The following MDFI variants were observed in gnomAD, a reference collection of about 807,000 sequenced individuals.
The protein encoded by MDFI is MyoD family inhibitor.
A neutral mutation model predicts 22.3 loss-of-function variants in MDFI; 16 were observed. The observed-to-expected ratio is 0.72, with a 90% CI of 0.49 to 1.09. The LOEUF is 1.09. MDFI is among the 50% of genes least tolerant of loss of function. The probability of loss-of-function intolerance (pLI) is 0.00; values close to 1 mark genes in which losing one functional copy is unlikely to be tolerated. For synonymous variants in MDFI, 145 were observed against 142.7 expected (o/e 1.02, Z -0.12); for missense variants, 314 against 326.1 (o/e 0.96, Z 0.29).
chr6:41,649,712 A>T lies in MDFI; in HGVS notation c.353A>T (p.Asn118Ile), dbSNP rs1423740523. ...CTGGGCGGCACCAGACGGGCGGGGAATGGTGCCCTGGGTGGCCCCAAGGCC... is the reference window on the plus strand; with the variant it reads ...CTGGGCGGCACCAGACGGGCGGGGATTGGTGCCCTGGGTGGCCCCAAGGCC... ...SELGGTRRAG[N>I]GALGGPKAHR... Residue 118 changes from asparagine (N) to isoleucine (I), a missense_variant, in exon 4 of 5, where the codon AAT (asparagine) becomes ATT (isoleucine). Transcript: ENST00000230321. 1 of 1,614,040 alleles carries T rather than the reference A, an allele frequency of 6.2e-7. No individual in the cohort carries two copies.
intron 2 of MDFI, among the ~76,000 whole-genome samples, chr6:41,639,061 G>T (rs1767746173): frequency 6.6e-6 from 1 of 151,570 alleles, no homozygotes; most frequent in Non-Finnish European, 1.5e-5. Context: ...CCAACTCCCC[G>T]CAACTCCCGA....
At chr6:41,650,315 A>G (rs742735) in intron 4 of MDFI, among the ~76,000 whole-genome samples, 119,096 of 152,078 alleles carry the variant, frequency 0.78, 46,913 homozygotes, top group Middle Eastern at 0.92. Flanking sequence ...CAGACACCCA[A>G]CCAGCCGATG....
chr6:41,638,641 C>A lies in MDFI; in HGVS notation c.-23C>A. The stretch of plus-strand genomic sequence containing the variant: ...GATCCGGCTGGAAGAGAGCGTAGCA[C>A]GGCTCGCACGAGTGAGTGGACGTGG... On this transcript the variant is annotated 5_prime_UTR_variant, in exon 1 of 5. Transcript: ENST00000230321. The surrounding 1 kb of genome is among the most constrained non-coding windows in gnomAD (Gnocchi z 7.6). 7.8e-7 allele frequency: 1 copy of A among 1,278,622 alleles called. No homozygotes were observed. The highest frequency in any genetic ancestry group is 1.1e-6 in the Non-Finnish European group (1 of 926,350). 79.2% of individuals were successfully genotyped at this position (1,278,622 alleles called of 1,614,324 possible). A position where few individuals can be genotyped will look rare whatever the true frequency, so the allele number is the denominator to read the frequency against.
intron 4 of MDFI, chr6:41,650,138 T>G: frequency 8.4e-6 from 3 of 359,004 alleles, no homozygotes; most frequent in East Asian, 5.2e-5. Flanking sequence ...CATCCCTTCT[T>G]TCCCAGAGTT....
chr6:41,639,417 G>T (rs554274628), intron 2 of MDFI: 1 of 985,364 alleles, frequency 1.0e-6, no homozygotes, highest in South Asian at 4.7e-5. Flanking sequence ...AGTGTCTTCA[G>T]CCCAAGTGAA....
At chr6:41,645,792 G>A (rs561824829) in intron 2 of MDFI, among the ~76,000 whole-genome samples, 12 of 148,266 alleles carry the variant, frequency 8.1e-5, no homozygotes, top group Admixed American at 4.8e-4. Flanking sequence ...CTATCTCTCC[G>A]TTGCTGACCG....
intron 2 of MDFI, chr6:41,639,950 G>A (rs1767788015): frequency 1.0e-6 from 1 of 983,234 alleles, no homozygotes; most frequent in Non-Finnish European, 1.2e-6. Flanking sequence ...GAGGTGGGGG[G>A]TCCTCTAAAC....
At chr6:41,650,453 C>A (rs570190229) in intron 4 of MDFI, among the ~76,000 whole-genome samples, 8 of 152,200 alleles carry the variant, frequency 5.3e-5, no homozygotes, top group Non-Finnish European at 1.0e-4. Context: ...TCAGAATGTT[C>A]CAGTGATTCC....
upstream of MDFI, chr6:41,638,012 G>A (rs1252371745): frequency 6.6e-6 from 1 of 152,044 alleles, no homozygotes; most frequent in East Asian, 1.9e-4. This position sits in a 1 kb window ranked among gnomAD's most constrained non-coding sequence, Gnocchi z 7.6. Context: ...GGAGACCGAG[G>A]GGGTGGGTAA....
At chr6:41,641,654 G>A (rs564278566) in intron 2 of MDFI, among the ~76,000 whole-genome samples, 3 of 152,324 alleles carry the variant, frequency 2.0e-5, no homozygotes, top group African/African-American at 4.8e-5. Context: ...TCCCTCTCCA[G>A]AGACGGTCAG....
chr6:41,640,445 A>G lies in MDFI; in HGVS notation c.76+1620A>G, dbSNP rs1384643468. Among the ~76,000 whole-genome samples, 4 of 152,094 alleles carry G rather than the reference A, an allele frequency of 2.6e-5. No individual in the cohort carries two copies. The East Asian group carries it at 7.7e-4, about 29-fold the overall frequency. On this transcript the variant is annotated intron_variant, in intron 2 of 4. Transcript: ENST00000230321. Reference sequence around the variant, plus strand: ...TCTGGGCTGTAACTTGAGGCCCCCCAGCACCCCAGCAGACCCCCTCCCCAG... The same window carrying G: ...TCTGGGCTGTAACTTGAGGCCCCCCGGCACCCCAGCAGACCCCCTCCCCAG...
intron 2 of MDFI, among the ~76,000 whole-genome samples, chr6:41,641,532 C>T (rs1767853304): frequency 6.6e-6 from 1 of 152,030 alleles, no homozygotes; most frequent in Admixed American, 6.6e-5. Context: ...ACACAGGATC[C>T]TGGTACATTG....
upstream of MDFI, among the ~76,000 whole-genome samples, chr6:41,637,662 C>T (rs1767690468): frequency 6.6e-6 from 1 of 152,102 alleles, no homozygotes; most frequent in African/African-American, 2.4e-5. This position sits in a 1 kb window ranked among gnomAD's most constrained non-coding sequence, Gnocchi z 6.8. Context: ...TTCCTACCAC[C>T]ACGGCTCACC....
chr6:41,651,106 C>T (rs772749573), intron 4 of MDFI, among the ~76,000 whole-genome samples: 6 of 128,146 alleles, frequency 4.7e-5, no homozygotes, highest in African/African-American at 9.4e-5. Context: ...ACTCCGGAGG[C>T]GGAGGTTGCA....
Position 41,649,678 on chromosome 6 carries a change from C to T in MDFI, c.319C>T (p.Pro107Ser), listed in dbSNP as rs1029039019. Reference protein sequence around the residue: ...TPLLPNDSGHPSELGGTRRAG... With the variant: ...TPLLPNDSGHSSELGGTRRAG... The stretch of plus-strand genomic sequence containing the variant: ...ACTTCTGCCGAATGACTCTGGCCAC[C>T]CCTCAGAGCTGGGCGGCACCAGACG... Residue 107 changes from proline (P) to serine (S), a missense_variant, in exon 4 of 5, where the codon CCC becomes TCC. Pro to Ser is a moderately conservative substitution (Grantham distance 74). Transcript: ENST00000230321. 8.1e-6 allele frequency: 13 copies of T among 1,613,322 alleles called. 1 individual carries two copies. The East Asian group carries it at 2.7e-4, about 33-fold the overall frequency.
intron 2 of MDFI, among the ~76,000 whole-genome samples, chr6:41,642,484 CTG>C (rs1767888164): frequency 6.6e-6 from 1 of 152,214 alleles, no homozygotes; most frequent in Non-Finnish European, 1.5e-5. Flanking sequence ...TCTGCCCCAT[CTG>C]TTCCAAGCAG....
rs140878125 is a variant in MDFI, at chr6:41,649,664, A to C, written c.305A>C (p.Asn102Thr). ...NPLGCTPLLP[N>T]DSGHPSELGG... ...TTGGGCTGCACCCCACTTCTGCCGA[A>C]TGACTCTGGCCACCCCTCAGAGCTG... Residue 102 changes from asparagine (N) to threonine (T), a missense_variant, in exon 4 of 5, where the codon AAT (asparagine) becomes ACT (threonine). Physicochemically the swap from Asn to Thr is moderately conservative, Grantham distance 65 (BLOSUM62 0). Coordinates refer to ENST00000230321, the MANE Select transcript of MDFI (RefSeq NM_005586.4). 199 of 1,612,698 alleles carry C rather than the reference A, an allele frequency of 1.2e-4. No homozygotes were observed. In the African/African-American group the frequency reaches 2.4e-3, roughly 19 times the overall value.
intron 4 of MDFI, 70 bp downstream of exon 4, chr6:41,649,913 G>A: frequency 7.6e-7 from 1 of 1,323,334 alleles, no homozygotes; most frequent in South Asian, 1.3e-5. Flanking sequence ...TGACGCATGG[G>A]CCCACTGGAG....
upstream of MDFI, among the ~76,000 whole-genome samples, chr6:41,637,871 G>A (rs1181765231): frequency 1.3e-5 from 2 of 152,164 alleles, no homozygotes; most frequent in African/African-American, 2.4e-5. The surrounding 1 kb of genome is among the most constrained non-coding windows in gnomAD (Gnocchi z 6.8). Context: ...GAGGGTCGAG[G>A]ATGCTCTGGG....
Sources: allele counts gnomAD v4.1 joint callset (sites outside exome capture counted in the v4.1 genomes callset), GRCh38; gene constraint gnomAD v4.1.1; non-coding constraint Gnocchi (gnomAD v3.1); transcripts MANE v1.5; gene names NCBI Gene and HGNC (gene_info 2026-07-23, HGNC 2026-07-21).